SAMD4B: variants seen among roughly 807,000 people sequenced by gnomAD.
SAMD4B encodes protein Smaug homolog 2.
In SAMD4B, 5 loss-of-function variants were observed where a neutral mutation model predicts 74.5. That is an observed-to-expected ratio of 0.07 (90% CI 0.04 to 0.14). SAMD4B has a LOEUF of 0.14. SAMD4B is among the 10% of genes least tolerant of loss of function. The pLI is 1.00. For synonymous variants in SAMD4B, 373 were observed against 374.9 expected (o/e 1.00, Z 0.06); for missense variants, 608 against 921.8 (o/e 0.66, Z 4.41).
chr19:39,342,814 C>T (rs2075388203), intron 1 of SAMD4B, among the ~76,000 whole-genome samples: 1 of 151,814 alleles, frequency 6.6e-6, no homozygotes, highest in African/African-American at 2.4e-5. Context: ...CGAAATCTTT[C>T]TCATGCCCTC....
At chr19:39,366,780 C>T (rs940764666) in intron 3 of SAMD4B, among the ~76,000 whole-genome samples, 2 of 151,926 alleles carry the variant, frequency 1.3e-5, no homozygotes, top group African/African-American at 4.8e-5. Flanking sequence ...TTAAGTCAAT[C>T]CTGAAGCATG....
chr19:39,363,501 G>A (rs2076773921), intron 3 of SAMD4B, among the ~76,000 whole-genome samples: 1 of 152,200 alleles, frequency 6.6e-6, no homozygotes, highest in Non-Finnish European at 1.5e-5. Context: ...CACCAGCCCT[G>A]AAACAGCATG....
chr19:39,343,165 G>C (rs911796628), intron 1 of SAMD4B, among the ~76,000 whole-genome samples: 1 of 151,720 alleles, frequency 6.6e-6, no homozygotes, highest in Non-Finnish European at 1.5e-5. Flanking sequence ...CCGGACCCCT[G>C]TCCATTCCAG....
At chr19:39,361,261 A>G (rs1011957307) in intron 3 of SAMD4B, among the ~76,000 whole-genome samples, 1 of 152,100 alleles carries the variant, frequency 6.6e-6, no homozygotes, top group African/African-American at 2.4e-5. Context: ...ACCCTCCCCA[A>G]AAAGATGCAC....
Position 39,377,782 on chromosome 19 carries a change from G to A in SAMD4B, c.1402G>A (p.Asp468Asn), listed in dbSNP as rs775851223. 14 of 1,611,360 alleles carry A rather than the reference G, an allele frequency of 8.7e-6. No individual in the cohort carries two copies. The highest frequency in any genetic ancestry group is 3.3e-5 in the Admixed American group (2 of 59,822). Reference sequence around the variant, plus strand: ...TGAGCCTGCCCCGGCTCCCGTCGCCGACGGAGACATCCCCAGCCAGTTTAC... The same window carrying A: ...TGAGCCTGCCCCGGCTCCCGTCGCCAACGGAGACATCCCCAGCCAGTTTAC... ...GSEPAPAPVA[D>N]GDIPSQFTRV... Residue 468 changes from aspartate (D) to asparagine (N), a missense_variant, in exon 8 of 14, where the codon GAC becomes AAC. Around this residue, in one of 9 missense-constraint regions of SAMD4B, gnomAD observed 99 missense variants for 112.1 expected, o/e 0.88. Coordinates refer to ENST00000610417, the MANE Select transcript of SAMD4B (RefSeq NM_001384574.2).
In SAMD4B at chr19:39,375,898, G is replaced by T; in HGVS notation, c.907+9G>T. On this transcript the variant is annotated intron_variant, in intron 5 of 13. Transcript: ENST00000610417. The surrounding 1 kb of genome is among the most constrained non-coding windows in gnomAD (Gnocchi z 4.1). Reference sequence around the variant, plus strand: ...TGGCAGTGGCATGAAAGGTACATTGGGGACAGCAGCACCAGGACCCTTTTC... The same window carrying T: ...TGGCAGTGGCATGAAAGGTACATTGTGGACAGCAGCACCAGGACCCTTTTC... The T allele has an allele frequency of 4.4e-6, 7 of 1,600,598 alleles. No homozygotes were observed. The highest frequency in any genetic ancestry group is 5.1e-6 in the Non-Finnish European group (6 of 1,176,700).
intron 11 of SAMD4B, 39 bp from the exon 12 acceptor site, chr19:39,380,951 C>G (rs1458142087): frequency 8.9e-6 from 14 of 1,573,968 alleles, no homozygotes; most frequent in Non-Finnish European, 1.2e-5. Flanking sequence ...TGGGCCTCTT[C>G]TGCACTCACT....
At chr19:39,342,816 C>T (rs2075388377) in intron 1 of SAMD4B, among the ~76,000 whole-genome samples, 1 of 151,702 alleles carries the variant, frequency 6.6e-6, no homozygotes, top group Non-Finnish European at 1.5e-5. Flanking sequence ...AAATCTTTCT[C>T]ATGCCCTCGG....
At chr19:39,386,868 C>A, downstream of SAMD4B, 2 of 1,051,886 alleles carry the variant, frequency 1.9e-6, no homozygotes, top group South Asian at 2.5e-5. The surrounding 1 kb of genome is among the most constrained non-coding windows in gnomAD (Gnocchi z 6.1). Flanking sequence ...ACTTCCCCGC[C>A]CCCCAGTGAG....
chr19:39,389,783 G>A, downstream of SAMD4B: 1 of 1,613,692 alleles, frequency 6.2e-7, no homozygotes, highest in Non-Finnish European at 8.5e-7. The surrounding 1 kb of genome is among the most constrained non-coding windows in gnomAD (Gnocchi z 5.3). Context: ...AACACCTATT[G>A]TGGTGTTTGG....
chr19:39,370,128 A>C lies in SAMD4B; in HGVS notation c.667+3A>C. 6.4e-7 allele frequency: 1 copy of C among 1,574,498 alleles called. No homozygotes were observed. The stretch of plus-strand genomic sequence containing the variant: ...TATTGGGAGCAATGCAAACACAGGT[A>C]AGTGGCGGGGGTGTCCCAGAAGGCC... On this transcript the variant is annotated splice_donor_region_variant and intron_variant, in intron 4 of 13. Coordinates refer to ENST00000610417, the MANE Select transcript of SAMD4B (RefSeq NM_001384574.2).
In SAMD4B at chr19:39,375,232, A is replaced by G. The variant is rs1378592985; in HGVS notation, c.668-418A>G. ...CTTTTAGGCATGTGGAAGCATTTGT[A>G]TTTTGTTCCCACTATGAAAGGAAGT... On this transcript the variant is annotated intron_variant, in intron 4 of 13. Transcript: ENST00000610417. The surrounding 1 kb of genome is among the most constrained non-coding windows in gnomAD (Gnocchi z 4.1). Among the ~76,000 whole-genome samples, 1 of 152,186 alleles carries G rather than the reference A, an allele frequency of 6.6e-6. No homozygotes were observed. The highest frequency in any genetic ancestry group is 1.5e-5 in the Non-Finnish European group (1 of 68,030).
downstream of SAMD4B, chr19:39,385,769 C>T (rs749976595): frequency 1.9e-5 from 12 of 645,910 alleles, no homozygotes; most frequent in African/African-American, 3.7e-5. Flanking sequence ...GTTTCTAAGC[C>T]TCAAGCCAAG....
Position 39,377,469 on chromosome 19 carries a change from G to A in SAMD4B, c.1105-16G>A. ...TAGGGTCTGCATGTGACCCCAGCCT[G>A]TGTCCTCCCATCCAGGATGTGCTGG... On this transcript the variant is annotated splice_polypyrimidine_tract_variant and intron_variant, in intron 7 of 13. Coordinates refer to ENST00000610417, the MANE Select transcript of SAMD4B (RefSeq NM_001384574.2). 2 of 1,545,916 alleles carry A rather than the reference G, an allele frequency of 1.3e-6. No individual in the cohort carries two copies. Among genetic ancestry groups the A allele is most frequent in the African/African-American group, 1.4e-5 (1 of 73,526 alleles).
intron 3 of SAMD4B, among the ~76,000 whole-genome samples, chr19:39,358,990 G>A (rs773629708): frequency 1.3e-5 from 2 of 152,224 alleles, no homozygotes; most frequent in Non-Finnish European, 2.9e-5. Flanking sequence ...CAGGCCAGGG[G>A]TCACATCAGC....
chr19:39,381,397 G>C (rs1273599031), intron 12 of SAMD4B: 8 of 322,232 alleles, frequency 2.5e-5, no homozygotes, highest in Non-Finnish European at 4.0e-5. Context: ...CTTAGTGTCT[G>C]TGTTGCTCTT....
At chr19:39,360,535 G>A (rs1428099243) in intron 3 of SAMD4B, among the ~76,000 whole-genome samples, 1 of 152,214 alleles carries the variant, frequency 6.6e-6, no homozygotes, top group African/African-American at 2.4e-5. Flanking sequence ...TGACTTGAAA[G>A]AGAAGTGATC....
chr19:39,352,506 A>C (rs2076102179), intron 1 of SAMD4B: 1 of 151,110 alleles, frequency 6.6e-6, no homozygotes, highest in African/African-American at 2.5e-5. Flanking sequence ...AAAAAAAAAA[A>C]AACCTAAGAC....
chr19:39,360,972 C>T (rs2145496473), intron 3 of SAMD4B, among the ~76,000 whole-genome samples: 1 of 152,234 alleles, frequency 6.6e-6, no homozygotes, highest in African/African-American at 2.4e-5. Context: ...AGACATGAGA[C>T]ACCCAAGAGT....
Sources: gnomAD v4.1 joint callset for allele counts (sites outside exome capture counted in the v4.1 genomes callset) on GRCh38, gnomAD v4.1.1 for gene constraint, gnomAD v4.1.1 regional missense constraint, Gnocchi (gnomAD v3.1) non-coding constraint, MANE v1.5 for transcripts, NCBI Gene and HGNC (gene_info 2026-07-23, HGNC 2026-07-21) for gene names.